The following ABHD12 variants were observed in gnomAD, a reference collection of about 807,000 sequenced individuals.
ABHD12 encodes lysophosphatidylserine lipase ABHD12.
ABHD12 carries 43 observed loss-of-function variants against 58.3 expected under a neutral mutation model. That is an observed-to-expected ratio of 0.74 (90% confidence interval 0.58 to 0.95). The LOEUF (loss-of-function observed/expected upper bound fraction) is 0.95, where lower values mean the gene tolerates loss of function less well. Among genes scored for constraint, ABHD12 ranks in the 40% least tolerant of loss-of-function variants. The pLI is 0.00. For synonymous variants in ABHD12, 219 were observed against 211.2 expected (o/e 1.04, Z -0.32); for missense variants, 539 against 537.2 (o/e 1.00, Z -0.03).
At chr20:25,368,757 G>A (rs906167933) in intron 1 of ABHD12, 16 of 962,226 alleles carry the variant, frequency 1.7e-5, no homozygotes, top group Non-Finnish European at 2.6e-5. Flanking sequence ...AGAACAGTGG[G>A]GTTGACCATG....
intron 2 of ABHD12, among the ~76,000 whole-genome samples, chr20:25,331,807 G>A (rs945774245): frequency 2.0e-5 from 3 of 152,018 alleles, no homozygotes; most frequent in East Asian, 3.9e-4. Flanking sequence ...TGAAGGATGC[G>A]CTAAACATGG....
intron 1 of ABHD12, among the ~76,000 whole-genome samples, chr20:25,383,954 C>CA (rs1201588127): frequency 0.29 from 15,407 of 53,104 alleles, 2,420 homozygotes; most frequent in African/African-American, 0.39. Flanking sequence ...GACTCTTTCT[C>CA]AAAAAAAAAA....
At chr20:25,307,006 A>C (rs1038631040) in intron 9 of ABHD12, 91 bp from the exon 10 acceptor site, 6 of 960,376 alleles carry the variant, frequency 6.2e-6, no homozygotes, top group African/African-American at 1.6e-5. Context: ...TCAGAAATCT[A>C]TAAGGCGTTG....
chr20:25,369,329 AT>A (rs1423083032), intron 1 of ABHD12, among the ~76,000 whole-genome samples: 4 of 152,122 alleles, frequency 2.6e-5, no homozygotes, highest in Non-Finnish European at 5.9e-5. Flanking sequence ...TTCTCTATAT[AT>A]TCTAGATAAA....
intron 2 of ABHD12, among the ~76,000 whole-genome samples, chr20:25,329,091 C>A (rs2089224409): frequency 6.6e-6 from 1 of 152,244 alleles, no homozygotes; most frequent in Non-Finnish European, 1.5e-5. Context: ...CCAGGACCCT[C>A]TGGCCTCCCA....
intron 1 of ABHD12, among the ~76,000 whole-genome samples, chr20:25,350,428 T>C (rs142070619): frequency 2.7e-4 from 41 of 152,326 alleles, no homozygotes; most frequent in Admixed American, 7.8e-4. Flanking sequence ...TCCCCCATAC[T>C]GTTTCTCATG....
chr20:25,386,946 A>C (rs1448705810), intron 1 of ABHD12, among the ~76,000 whole-genome samples: 1 of 152,240 alleles, frequency 6.6e-6, no homozygotes, highest in African/African-American at 2.4e-5. Flanking sequence ...AGTTTATCCC[A>C]GGAATACAAT....
chr20:25,302,818 GC>G (rs1178657571), intron 11 of ABHD12, among the ~76,000 whole-genome samples: 3 of 152,168 alleles, frequency 2.0e-5, no homozygotes, highest in Non-Finnish European at 4.4e-5. Context: ...GCCCTGTGTG[GC>G]TCCGTCATCT....
intron 1 of ABHD12, among the ~76,000 whole-genome samples, chr20:25,365,326 T>C (rs932664565): frequency 6.6e-6 from 1 of 152,344 alleles, no homozygotes. Flanking sequence ...TACAGGTGCA[T>C]GTTCTCATTC....
exon 13 of ABHD12, chr20:25,294,932 G>A (rs779109285): frequency 6.3e-6 from 10 of 1,595,836 alleles, no homozygotes; most frequent in Non-Finnish European, 7.7e-6. Context: ...TTTTAGTTTT[G>A]TCTGCTGCTC....
intron 1 of ABHD12, among the ~76,000 whole-genome samples, chr20:25,386,441 T>G (rs1422564400): frequency 6.6e-6 from 1 of 151,636 alleles, no homozygotes; most frequent in Admixed American, 6.6e-5. Context: ...TTTGTATTTT[T>G]TAGTAGAGAC....
At chr20:25,350,973 ACACACACACACACACAC>A (rs2089591570) in intron 1 of ABHD12, among the ~76,000 whole-genome samples, 1 of 29,958 alleles carries the variant, frequency 3.3e-5, no homozygotes, top group Admixed American at 4.3e-4. Context: ...ACACACACAC[ACACACACACACACACAC>A]ACACACACAC....
chr20:25,302,535 G>A (rs2088657027), intron 11 of ABHD12, among the ~76,000 whole-genome samples, 189 bp from the exon 12 acceptor site: 1 of 152,252 alleles, frequency 6.6e-6, no homozygotes, highest in African/African-American at 2.4e-5. Context: ...CCCAGGCTTG[G>A]CTCCTGGGCA....
chr20:25,359,208 T>A (rs1600849503), intron 1 of ABHD12, among the ~76,000 whole-genome samples: 1 of 150,288 alleles, frequency 6.7e-6, no homozygotes, highest in Non-Finnish European at 1.5e-5. Flanking sequence ...GATCACGAGG[T>A]CAGGAGATCG....
At chr20:25,312,303 C>CG (rs2088864125) in intron 6 of ABHD12, among the ~76,000 whole-genome samples, 1 of 152,158 alleles carries the variant, frequency 6.6e-6, no homozygotes. Flanking sequence ...CTCAGCCTGC[C>CG]GAGTGCCTGT....
At chr20:25,384,374 T>G (rs1265710630) in intron 1 of ABHD12, among the ~76,000 whole-genome samples, 1 of 150,962 alleles carries the variant, frequency 6.6e-6, no homozygotes, top group Non-Finnish European at 1.5e-5. Context: ...TCTGAGTTAC[T>G]TACCAATGTT....
intron 2 of ABHD12, among the ~76,000 whole-genome samples, chr20:25,335,677 AATC>A (rs2089352178): frequency 6.7e-6 from 1 of 149,466 alleles, no homozygotes; most frequent in South Asian, 2.1e-4. Context: ...TGAAATTGGA[AATC>A]ATCATTCTCA....
chr20:25,357,492 A>G (rs2089683704), intron 1 of ABHD12, among the ~76,000 whole-genome samples: 1 of 152,212 alleles, frequency 6.6e-6, no homozygotes. Context: ...TGAGGTCTGC[A>G]GTTTCTATCG....
intron 4 of ABHD12, among the ~76,000 whole-genome samples, chr20:25,318,392 T>C (rs942096345): frequency 1.8e-4 from 27 of 152,238 alleles, no homozygotes; most frequent in African/African-American, 6.5e-4. Flanking sequence ...GTTATCATTG[T>C]AAGAGTTCAC....
Sources: gnomAD v4.1 joint callset for allele counts (sites outside exome capture counted in the v4.1 genomes callset) on GRCh38, gnomAD v4.1.1 for gene constraint, MANE v1.5 for transcripts, NCBI Gene and HGNC (gene_info 2026-07-23, HGNC 2026-07-21) for gene names.